The following COX4I1 variants were observed in gnomAD, a reference collection of about 807,000 sequenced individuals.
COX4I1 encodes cytochrome c oxidase subunit 4 isoform 1, mitochondrial.
Under a neutral mutation model 21.7 loss-of-function variants are expected in COX4I1, and 18 were observed. The observed-to-expected ratio is 0.83, with a 90% CI of 0.57 to 1.23. COX4I1 has a LOEUF of 1.23. Among genes scored for constraint, COX4I1 ranks in the 50% most tolerant of loss-of-function variants. COX4I1 has a pLI of 0.00. For synonymous variants in COX4I1, 100 were observed against 81.5 expected, an observed-to-expected ratio of 1.23 and a Z score of -1.23; for missense variants, 238 against 220.7, an observed-to-expected ratio of 1.08 and a Z score of -0.50.
At chr16:85,803,215 G>A (rs1031375715) in intron 2 of COX4I1, 1 of 152,146 alleles carries the variant, frequency 6.6e-6, no homozygotes, top group Non-Finnish European at 1.5e-5. Flanking sequence ...CATTTTCATA[G>A]AATTAGGGTT....
Position 85,806,908 on chromosome 16 carries a change from C to G in COX4I1, c.*34C>G, listed in dbSNP as rs767648238. On this transcript the variant is annotated 3_prime_UTR_variant, in exon 5 of 5. Transcript: ENST00000253452. ...GGCCTGCGCCTGCACCTGCGCCTGG[C>G]TCTGTCACCGCCATGCAACTCCATG... The G allele has an allele frequency of 1.9e-6, 3 of 1,594,510 alleles. No homozygotes were observed. The highest frequency in any genetic ancestry group is 1.1e-5 in the South Asian group (1 of 87,854).
Position 85,806,902 on chromosome 16 carries a change from G to T in COX4I1, c.*28G>T. On this transcript the variant is annotated 3_prime_UTR_variant, in exon 5 of 5. Coordinates refer to ENST00000253452, the MANE Select transcript of COX4I1 (RefSeq NM_001861.6). ...GATGCTGGCCTGCGCCTGCACCTGCGCCTGGCTCTGTCACCGCCATGCAAC... is the reference window on the plus strand; with the variant it reads ...GATGCTGGCCTGCGCCTGCACCTGCTCCTGGCTCTGTCACCGCCATGCAAC... 2 of 1,598,244 alleles carry T rather than the reference G, an allele frequency of 1.3e-6. No homozygotes were observed. Among genetic ancestry groups the T allele is most frequent in the Non-Finnish European group, 1.7e-6 (2 of 1,170,920 alleles).
Position 85,805,839 on chromosome 16 carries a change from C to T in COX4I1, c.348C>T (p.Leu116=), listed in dbSNP as rs777747061. 63 of 1,614,028 alleles carry T rather than the reference C, an allele frequency of 3.9e-5. No homozygotes were observed. Among genetic ancestry groups the T allele is most frequent in the Middle Eastern group, 1.6e-4 (1 of 6,082 alleles). The stretch of plus-strand genomic sequence containing the variant: ...TGTTCTTCATCGGTTTCACCGCGCT[C>T]GTTATCATGTGGCAGAAGCACTATG... ...GAMFFIGFTA[L]VIMWQKHYVY... is the part of the protein sequence containing the mutation. The change falls in exon 4 of 5, where the codon CTC becomes CTT. Residue 116 remains leucine (L), a synonymous_variant. Transcript: ENST00000253452.
chr16:85,803,369 C>T (rs1240341802), intron 2 of COX4I1: 6 of 152,190 alleles, frequency 3.9e-5, no homozygotes, highest in African/African-American at 7.2e-5. Context: ...AGTCTATATA[C>T]GACTTGCTTA....
intron 4 of COX4I1, 198 bp from the exon 5 acceptor site, chr16:85,806,540 T>G (rs1906217451): frequency 2.5e-6 from 2 of 795,272 alleles, no homozygotes; most frequent in African/African-American, 1.7e-5. Flanking sequence ...TGTTGCTAAC[T>G]TTTTACAAAC....
chr16:85,806,470 T>C (rs975950722), intron 4 of COX4I1: 2 of 705,136 alleles, frequency 2.8e-6, no homozygotes, highest in Admixed American at 2.0e-5. Context: ...CCTTGGGCTC[T>C]GTTTGTCAGA....
In COX4I1 at chr16:85,805,084, C is replaced by T; in HGVS notation, c.221C>T (p.Ser74Phe). Residue 74 changes from serine to phenylalanine, a missense_variant, in exon 3 of 5, where the codon TCC becomes TTC. Physicochemically the swap from Ser to Phe is radical, Grantham distance 155. Coordinates refer to ENST00000253452, the MANE Select transcript of COX4I1 (RefSeq NM_001861.6). ...GAGAAGGCCTCCTGGAGCAGCCTCT[C>T]CATGGATGAGAAAGTCGAGTGTGGG... is the stretch of plus-strand genomic sequence containing the variant. The part of the protein sequence containing the change: ...EKEKASWSSL[S>F]MDEKVELYRI... 2 of 1,612,780 alleles carry T rather than the reference C, an allele frequency of 1.2e-6. No homozygotes were observed. The highest frequency in any genetic ancestry group is 1.7e-6 in the Non-Finnish European group (2 of 1,179,568).
In COX4I1 at chr16:85,806,786, A is replaced by T; in HGVS notation, c.422A>T (p.Gln141Leu). Residue 141 changes from glutamine (Q) to leucine (L), a missense_variant, in exon 5 of 5, where the codon CAG (glutamine) becomes CTG (leucine). Gln to Leu is a moderately radical substitution (Grantham distance 113). Transcript: ENST00000253452. The stretch of plus-strand genomic sequence containing the variant: ...TTTGACAAAGAGTGGGTGGCCAAGC[A>T]GACCAAGAGGATGCTGGACATGAAG... The part of the protein sequence containing the change: ...QSFDKEWVAK[Q>L]TKRMLDMKVN... The T allele has an allele frequency of 6.2e-7, 1 of 1,614,222 alleles. No homozygotes were observed. The highest frequency in any genetic ancestry group is 8.5e-7 in the Non-Finnish European group (1 of 1,180,040).
chr16:85,804,051 C>T (rs1905973764), intron 2 of COX4I1: 1 of 152,266 alleles, frequency 6.6e-6, no homozygotes, highest in Non-Finnish European at 1.5e-5. Context: ...TCTCTAGAAC[C>T]CTGCCTTGCC....
intron 1 of COX4I1, among the ~76,000 whole-genome samples, chr16:85,800,630 T>G (rs1464081329): frequency 2.0e-5 from 3 of 152,176 alleles, no homozygotes; most frequent in African/African-American, 7.2e-5. Flanking sequence ...TCTTCTTGCC[T>G]TTTTTTGTTT....
At chr16:85,802,276 C>T (rs1221139292) in intron 2 of COX4I1, among the ~76,000 whole-genome samples, 1 of 152,226 alleles carries the variant, frequency 6.6e-6, no homozygotes, top group Non-Finnish European at 1.5e-5. Flanking sequence ...CCTCTCCTGA[C>T]CATCCTTTCT....
chr16:85,805,076 C>A lies in COX4I1; in HGVS notation c.213C>A (p.Ser71Arg). 6.2e-7 allele frequency: 1 copy of A among 1,613,582 alleles called. No homozygotes were observed. Among genetic ancestry groups the A allele is most frequent in the Non-Finnish European group, 8.5e-7 (1 of 1,179,806 alleles). ...ALKEKEKASW[S>R]SLSMDEKVEL... ...AGGAGAAGGAGAAGGCCTCCTGGAGCAGCCTCTCCATGGATGAGAAAGTCG... is the reference window on the plus strand; with the variant it reads ...AGGAGAAGGAGAAGGCCTCCTGGAGAAGCCTCTCCATGGATGAGAAAGTCG... The change falls in exon 3 of 5, where the codon AGC (serine) becomes AGA (arginine). Residue 71 changes from serine (S) to arginine (R), a missense_variant. Physicochemically the swap from Ser to Arg is moderately radical, Grantham distance 110. Transcript: ENST00000253452.
At chr16:85,800,256 C>T (rs557412164) in intron 1 of COX4I1, among the ~76,000 whole-genome samples, 1 of 152,220 alleles carries the variant, frequency 6.6e-6, no homozygotes, top group Non-Finnish European at 1.5e-5. Flanking sequence ...TTTATTCTGC[C>T]CCAAGGAGGG....
chr16:85,805,105 G>C lies in COX4I1; in HGVS notation c.241+1G>C. On this transcript the variant is annotated splice_donor_variant, in intron 3 of 4. Transcript: ENST00000253452. LOFTEE classifies it high-confidence loss of function. Reference sequence around the variant, plus strand: ...CTCTCCATGGATGAGAAAGTCGAGTGTGGGTATTGAAGGGACCCACAGGCG... The same window carrying C: ...CTCTCCATGGATGAGAAAGTCGAGTCTGGGTATTGAAGGGACCCACAGGCG... 1 of 1,611,576 alleles carries C rather than the reference G, an allele frequency of 6.2e-7. No individual in the cohort carries two copies.
intron 2 of COX4I1, among the ~76,000 whole-genome samples, chr16:85,802,464 A>G (rs746749640): frequency 3.3e-5 from 5 of 152,242 alleles, no homozygotes; most frequent in Non-Finnish European, 7.3e-5. Context: ...AGGCAGATGA[A>G]GACGAACTGC....
At chr16:85,805,315 C>A in intron 3 of COX4I1, 2 of 563,668 alleles carry the variant, frequency 3.5e-6, no homozygotes, top group South Asian at 4.6e-5. Flanking sequence ...TTGCTAGGCC[C>A]CCTTCTCTGT....
intron 1 of COX4I1, among the ~76,000 whole-genome samples, chr16:85,800,410 C>T (rs529195851): frequency 6.6e-5 from 10 of 152,276 alleles, no homozygotes; most frequent in Non-Finnish European, 1.5e-4. Flanking sequence ...GGAAATTGAT[C>T]GGGGCTGTGT....
chr16:85,803,333 G>C (rs1264548601), intron 2 of COX4I1: 1 of 152,204 alleles, frequency 6.6e-6, no homozygotes, highest in African/African-American at 2.4e-5. Flanking sequence ...CCAGTCATTT[G>C]CACGGCTAAG....
At chr16:85,805,911 GC>G (rs780912156) in intron 4 of COX4I1, 47 bp downstream of exon 4, 42 of 1,611,122 alleles carry the variant, frequency 2.6e-5, no homozygotes, top group Non-Finnish European at 3.5e-5. Context: ...TGGGGCTCCA[GC>G]CTGCAGTGCC....
Sources: allele counts gnomAD v4.1 joint callset (sites outside exome capture counted in the v4.1 genomes callset), GRCh38; gene constraint gnomAD v4.1.1; transcripts MANE v1.5; gene names NCBI Gene and HGNC (gene_info 2026-07-23, HGNC 2026-07-21).